The following GRAMD1C variants were observed in gnomAD, a reference collection of about 807,000 sequenced individuals.
The protein encoded by GRAMD1C is protein Aster-C.
Under a neutral mutation model 97.8 loss-of-function variants are expected in GRAMD1C, and 89 were observed. That is an observed-to-expected ratio of 0.91 (90% confidence interval 0.77 to 1.09). The LOEUF (loss-of-function observed/expected upper bound fraction) is 1.09, where lower values mean the gene tolerates loss of function less well. Among genes scored for constraint, GRAMD1C ranks in the 50% least tolerant of loss-of-function variants. GRAMD1C has a pLI of 0.00. For synonymous variants in GRAMD1C, 256 were observed against 267.0 expected (o/e 0.96, Z 0.40); for missense variants, 740 against 766.4 (o/e 0.97, Z 0.41).
rs2107395087 is a variant in GRAMD1C, at chr3:113,946,301, T to A, written c.*823T>A. ...AGTCTTTCATGGTGGAAGTGACACA[T>A]CTGGTTGAAAATAATTTGTGTATTT... On this transcript the variant is annotated 3_prime_UTR_variant, in exon 18 of 18. Coordinates refer to ENST00000358160, the MANE Select transcript of GRAMD1C (RefSeq NM_017577.5). 1 of 152,770 alleles carries A rather than the reference T, an allele frequency of 6.5e-6. No individual in the cohort carries two copies. The highest frequency in any genetic ancestry group is 2.1e-4 in the South Asian group (1 of 4,826). 9.5% of individuals were successfully genotyped at this position (152,770 alleles called of 1,614,324 possible). A position where few individuals can be genotyped will look rare whatever the true frequency, so the allele number is the denominator to read the frequency against.
At chr3:113,913,746 A>G (rs970290024) in intron 9 of GRAMD1C, among the ~76,000 whole-genome samples, 1 of 152,204 alleles carries the variant, frequency 6.6e-6, no homozygotes, top group Non-Finnish European at 1.5e-5. Flanking sequence ...AGCACGTTCC[A>G]AAATCTTGGA....
At chr3:113,830,792 G>A (rs1048768699) in intron 1 of GRAMD1C, among the ~76,000 whole-genome samples, 11 of 152,152 alleles carry the variant, frequency 7.2e-5, no homozygotes, top group Non-Finnish European at 1.5e-4. Context: ...CCTAACCATA[G>A]TACAATTATA....
chr3:113,941,142 G>C (rs562922897), intron 17 of GRAMD1C, among the ~76,000 whole-genome samples: 51 of 152,274 alleles, frequency 3.3e-4, no homozygotes, highest in African/African-American at 1.2e-3. Flanking sequence ...CCTGAGAAGA[G>C]AATTTGGAGG....
upstream of GRAMD1C, among the ~76,000 whole-genome samples, chr3:113,835,016 A>G (rs758153795): frequency 1.3e-5 from 2 of 151,622 alleles, no homozygotes; most frequent in African/African-American, 4.8e-5. Flanking sequence ...TTTTAACTTG[A>G]CTATGGTTTT....
chr3:113,942,252 A>C (rs191967219), intron 17 of GRAMD1C, among the ~76,000 whole-genome samples: 2 of 148,704 alleles, frequency 1.3e-5, no homozygotes, highest in Admixed American at 6.7e-5. Context: ...CCATATCTTT[A>C]TCTCTCTGAA....
At chr3:113,913,524 G>T (rs879875981) in intron 9 of GRAMD1C, among the ~76,000 whole-genome samples, 2 of 149,734 alleles carry the variant, frequency 1.3e-5, no homozygotes, top group Admixed American at 6.7e-5. Flanking sequence ...TACATATCTA[G>T]AAATAAAGAA....
At chr3:113,877,309 A>G (rs899764443) in intron 5 of GRAMD1C, among the ~76,000 whole-genome samples, 3 of 152,236 alleles carry the variant, frequency 2.0e-5, no homozygotes, top group African/African-American at 4.8e-5. Flanking sequence ...ATATAACCAC[A>G]ATATAATTCA....
chr3:113,881,682 T>A (rs897406065), intron 5 of GRAMD1C, among the ~76,000 whole-genome samples: 7 of 152,290 alleles, frequency 4.6e-5, no homozygotes, highest in Non-Finnish European at 8.8e-5. Flanking sequence ...AGGAGATTTT[T>A]AAAATCTATA....
In GRAMD1C at chr3:113,865,425, C is replaced by T. The variant is rs150602080; in HGVS notation, c.175-4082C>T. On this transcript the variant is annotated intron_variant, in intron 2 of 17. Coordinates refer to ENST00000358160, the MANE Select transcript of GRAMD1C (RefSeq NM_017577.5). ...GCCACAGATACTGAATCACTGAGAC[C>T]GTTCAGACCATTTTTGATTAGAAGC... Among the ~76,000 whole-genome samples the T allele has an allele frequency of 2.7e-3, 414 of 152,156 alleles. 2 individuals carry two copies. Among genetic ancestry groups the T allele is most frequent in the African/African-American group, 9.5e-3 (396 of 41,528 alleles).
At position 113,844,663 on chromosome 3, in the gene GRAMD1C, T is replaced by C. The variant is rs1342829647; in HGVS notation, c.174+14T>C. 6.4e-7 allele frequency: 1 copy of C among 1,555,444 alleles called. No individual in the cohort carries two copies. Among genetic ancestry groups the C allele is most frequent in the Non-Finnish European group, 8.7e-7 (1 of 1,147,848 alleles). On this transcript the variant is annotated intron_variant, in intron 2 of 17. Coordinates refer to ENST00000358160, the MANE Select transcript of GRAMD1C (RefSeq NM_017577.5). Reference sequence around the variant, plus strand: ...TGGAGCTTTTGGGTAATTTCTTTTTTTACGTCTTTATTTTAATCTTGAATA... The same window carrying C: ...TGGAGCTTTTGGGTAATTTCTTTTTCTACGTCTTTATTTTAATCTTGAATA...
chr3:113,901,529 T>G (rs1449961291), intron 7 of GRAMD1C, among the ~76,000 whole-genome samples: 1 of 152,226 alleles, frequency 6.6e-6, no homozygotes, highest in Non-Finnish European at 1.5e-5. Context: ...CCTAACATAG[T>G]GCTTAGCATG....
chr3:113,887,951 G>A (rs1474957372), intron 6 of GRAMD1C, among the ~76,000 whole-genome samples: 1 of 152,084 alleles, frequency 6.6e-6, no homozygotes, highest in African/African-American at 2.4e-5. Context: ...AGTAGAAATA[G>A]AGAATTTGAA....
intron 10 of GRAMD1C, among the ~76,000 whole-genome samples, chr3:113,923,063 T>C (rs1937114957): frequency 6.6e-6 from 1 of 152,126 alleles, no homozygotes; most frequent in East Asian, 1.9e-4. Context: ...TGATCTCGAC[T>C]TGGCACTCAG....
At chr3:113,908,849 A>AT in intron 8 of GRAMD1C, 109 bp from the exon 9 acceptor site, 1 of 622,914 alleles carries the variant, frequency 1.6e-6, no homozygotes, top group Non-Finnish European at 2.8e-6. Context: ...AATGCTGTAA[A>AT]TATTCTTCAA....
At chr3:113,865,122 C>T (rs1027701250) in intron 2 of GRAMD1C, among the ~76,000 whole-genome samples, 5 of 152,192 alleles carry the variant, frequency 3.3e-5, no homozygotes, top group African/African-American at 1.2e-4. Context: ...GGTGGGAACA[C>T]GTTTGAAAGA....
At chr3:113,846,306 A>T (rs1003383055) in intron 2 of GRAMD1C, among the ~76,000 whole-genome samples, 8 of 151,966 alleles carry the variant, frequency 5.3e-5, no homozygotes, top group African/African-American at 1.9e-4. Flanking sequence ...GGGTTTCATC[A>T]TGTTGGCCAG....
At chr3:113,850,263 G>A (rs888249432) in intron 2 of GRAMD1C, 13 of 647,370 alleles carry the variant, frequency 2.0e-5, no homozygotes, top group South Asian at 6.8e-5. Flanking sequence ...CCACGTCCAC[G>A]ACCAAATCTG....
chr3:113,897,840 T>A, intron 6 of GRAMD1C: 1 of 735,508 alleles, frequency 1.4e-6, no homozygotes, highest in South Asian at 6.2e-5. Context: ...TGTTTAAAAT[T>A]TAGGTTGTTT....
chr3:113,893,139 G>A (rs1477681426), intron 6 of GRAMD1C, among the ~76,000 whole-genome samples: 1 of 151,980 alleles, frequency 6.6e-6, no homozygotes, highest in Non-Finnish European at 1.5e-5. Flanking sequence ...GGCCCAAAAA[G>A]CCTAAAATAT....
Sources: allele counts gnomAD v4.1 joint callset (sites outside exome capture counted in the v4.1 genomes callset), GRCh38; gene constraint gnomAD v4.1.1; transcripts MANE v1.5; gene names NCBI Gene and HGNC (gene_info 2026-07-23, HGNC 2026-07-21).